EXOC4: variants seen among roughly 807,000 people sequenced by gnomAD.
EXOC4 encodes the protein exocyst complex component 4.
A neutral mutation model predicts 107.2 loss-of-function variants in EXOC4; 71 were observed. The observed-to-expected ratio is 0.66, with a 90% CI of 0.55 to 0.81. The LOEUF (loss-of-function observed/expected upper bound fraction) is 0.81. EXOC4 is among the 30% of genes least tolerant of loss of function. The probability of loss-of-function intolerance (pLI) is 0.00; values close to 1 mark genes in which losing one functional copy is unlikely to be tolerated. For missense variants in EXOC4, 1,108 were observed against 1,189.6 expected, an observed-to-expected ratio of 0.93 and a Z score of 1.01; for synonymous variants, 456 against 441.2, an observed-to-expected ratio of 1.03 and a Z score of -0.42.
At chr7:133,428,229 C>T (rs1797772089) in intron 7 of EXOC4, among the ~76,000 whole-genome samples, 1 of 152,170 alleles carries the variant, frequency 6.6e-6, no homozygotes, top group Non-Finnish European at 1.5e-5. Flanking sequence ...AGCAGCCATC[C>T]TTCCTGTTGT....
intron 12 of EXOC4, among the ~76,000 whole-genome samples, chr7:133,904,633 A>G (rs116871583): frequency 0.017 from 2,612 of 152,280 alleles, 35 homozygotes; most frequent in Middle Eastern, 0.027. Flanking sequence ...GGGATCTACC[A>G]TAGTTGCTGA....
At chr7:133,280,938 A>G (rs1206271223) in intron 2 of EXOC4, among the ~76,000 whole-genome samples, 3 of 152,140 alleles carry the variant, frequency 2.0e-5, no homozygotes, top group African/African-American at 7.2e-5. Context: ...TAATAATGAG[A>G]TATAATTTTA....
intron 14 of EXOC4, among the ~76,000 whole-genome samples, chr7:133,959,872 G>T (rs906708328): frequency 2.0e-5 from 3 of 152,162 alleles, no homozygotes; most frequent in African/African-American, 7.2e-5. Flanking sequence ...CACACTACCA[G>T]TTCCATGTAA....
intron 10 of EXOC4, among the ~76,000 whole-genome samples, chr7:133,765,434 G>C (rs1005256379): frequency 2.6e-5 from 4 of 151,982 alleles, no homozygotes; most frequent in Admixed American, 2.6e-4. Context: ...AAGGCGAATA[G>C]AATACCTATA....
At chr7:133,696,241 TC>T (rs1794530943) in intron 10 of EXOC4, among the ~76,000 whole-genome samples, 1 of 152,184 alleles carries the variant, frequency 6.6e-6, no homozygotes, top group African/African-American at 2.4e-5. Flanking sequence ...CAAACCAGTT[TC>T]TGTTGTCAAT....
the EXOC4 span, among the ~76,000 whole-genome samples, chr7:134,097,577 G>C: frequency 1.3e-5 from 2 of 152,102 alleles, no homozygotes; most frequent in Non-Finnish European, 2.9e-5. Context: ...GGAGAAAATG[G>C]TTTATAGACT....
At chr7:133,601,977 C>T (rs1801818292) in intron 9 of EXOC4, 1 of 152,264 alleles carries the variant, frequency 6.6e-6, no homozygotes, top group Admixed American at 6.5e-5. Context: ...CCAGATCCTG[C>T]ACCTGCCCAC....
chr7:133,693,963 C>T (rs1794476181), intron 10 of EXOC4, among the ~76,000 whole-genome samples: 1 of 152,050 alleles, frequency 6.6e-6, no homozygotes, highest in Non-Finnish European at 1.5e-5. Flanking sequence ...ATGAACATCT[C>T]TTAAGATTGT....
chr7:134,092,036 G>A, the EXOC4 span, among the ~76,000 whole-genome samples: 1 of 152,030 alleles, frequency 6.6e-6, no homozygotes, highest in African/African-American at 2.4e-5. Flanking sequence ...TCCAAAATCT[G>A]AAACACCTTT....
intron 14 of EXOC4, among the ~76,000 whole-genome samples, chr7:133,959,008 C>T (rs1219563651): frequency 2.0e-5 from 3 of 152,132 alleles, no homozygotes; most frequent in Non-Finnish European, 4.4e-5. Context: ...CTGATAAGCA[C>T]CAGGATGGTG....
chr7:133,970,035 G>A (rs1262385761), intron 14 of EXOC4, among the ~76,000 whole-genome samples: 3 of 152,172 alleles, frequency 2.0e-5, no homozygotes, highest in Non-Finnish European at 2.9e-5. Context: ...TTTCAGAGAT[G>A]CCCTGCCCAG....
intron 10 of EXOC4, among the ~76,000 whole-genome samples, chr7:133,692,516 G>C (rs1346310477): frequency 6.6e-6 from 1 of 152,184 alleles, no homozygotes; most frequent in Non-Finnish European, 1.5e-5. Context: ...AATTATTGTT[G>C]TGTGAATGGG....
intron 9 of EXOC4, among the ~76,000 whole-genome samples, chr7:133,611,215 G>T (rs1293147460): frequency 2.6e-5 from 4 of 152,108 alleles, no homozygotes; most frequent in African/African-American, 9.7e-5. Flanking sequence ...AGTGTGATGG[G>T]CTTTGGTGTA....
At chr7:133,700,927 G>A (rs949875210) in intron 10 of EXOC4, among the ~76,000 whole-genome samples, 1 of 151,918 alleles carries the variant, frequency 6.6e-6, no homozygotes, top group African/African-American at 2.4e-5. Context: ...CTTAGAATGA[G>A]CTCAGGAGTT....
intron 13 of EXOC4, among the ~76,000 whole-genome samples, chr7:133,936,968 A>G (rs542551624): frequency 1.8e-4 from 28 of 152,140 alleles, no homozygotes; most frequent in Non-Finnish European, 3.7e-4. Context: ...GCCTTCAGTC[A>G]TCTTTTCTAA....
chr7:133,745,609 C>G (rs932790401), intron 10 of EXOC4, among the ~76,000 whole-genome samples: 14 of 151,332 alleles, frequency 9.3e-5, no homozygotes, highest in Middle Eastern at 6.9e-3. Flanking sequence ...GACGTGATCA[C>G]AGCTATTAAA....
At chr7:133,313,690 G>T (rs1481491610) in intron 4 of EXOC4, among the ~76,000 whole-genome samples, 1 of 152,128 alleles carries the variant, frequency 6.6e-6, no homozygotes, top group South Asian at 2.1e-4. Flanking sequence ...AACTGTTTTC[G>T]TATCATGAAA....
intron 9 of EXOC4, chr7:133,484,008 G>T (rs370458002): frequency 3.7e-6 from 6 of 1,613,292 alleles, no homozygotes; most frequent in Middle Eastern, 1.6e-4. Context: ...CAGTAATTTC[G>T]GTTCATACGT....
At chr7:133,308,875 C>T (rs1017758535) in intron 4 of EXOC4, among the ~76,000 whole-genome samples, 3 of 152,232 alleles carry the variant, frequency 2.0e-5, no homozygotes, top group East Asian at 3.9e-4. Context: ...ATCTTTATTT[C>T]GTTCCTGGTG....
Sources: gnomAD v4.1 joint callset for allele counts (sites outside exome capture counted in the v4.1 genomes callset) on GRCh38, gnomAD v4.1.1 for gene constraint, MANE v1.5 for transcripts, NCBI Gene and HGNC (gene_info 2026-07-23, HGNC 2026-07-21) for gene names.